Variants in TAS2R1 observed in about 807,000 individuals in gnomAD.
TAS2R1 encodes the protein taste 2 receptor member 1.
For missense variants in TAS2R1, 370 were observed against 353.4 expected (o/e 1.05, Z -0.38); for synonymous variants, 141 against 134.2 (o/e 1.05, Z -0.35).
At chr5:9,867,443 G>A in the TAS2R1 span, among the ~76,000 whole-genome samples, 2 of 152,196 alleles carry the variant, frequency 1.3e-5, no homozygotes, top group African/African-American at 2.4e-5. Context: ...GCAGGAAAGA[G>A]TGTATGCAAG....
At chr5:9,790,016 A>G in the TAS2R1 span, among the ~76,000 whole-genome samples, 2 of 152,030 alleles carry the variant, frequency 1.3e-5, no homozygotes, top group African/African-American at 4.8e-5. Flanking sequence ...AACATATATC[A>G]CTCTGCTCAT....
the TAS2R1 span, among the ~76,000 whole-genome samples, chr5:9,877,831 C>A: frequency 6.6e-6 from 1 of 152,180 alleles, no homozygotes; most frequent in East Asian, 1.9e-4. Context: ...TTTCTTCTTC[C>A]TCTTCTTTTT....
chr5:9,816,486 A>G, the TAS2R1 span, among the ~76,000 whole-genome samples: 2 of 152,152 alleles, frequency 1.3e-5, no homozygotes, highest in Non-Finnish European at 2.9e-5. Context: ...CCCCTGTAAT[A>G]AAGAGTCATT....
chr5:9,860,921 T>C, the TAS2R1 span, among the ~76,000 whole-genome samples: 291 of 150,822 alleles, frequency 1.9e-3, 1 homozygote, highest in African/African-American at 6.8e-3. Flanking sequence ...CAGCAGCCCC[T>C]CAAGAAATAT....
At chr5:9,702,921 A>G (rs1281852644) in intron 1 of TAS2R1, among the ~76,000 whole-genome samples, 1 of 152,132 alleles carries the variant, frequency 6.6e-6, no homozygotes, top group Non-Finnish European at 1.5e-5. Context: ...AAAGGAGGGG[A>G]AGGCAATCAG....
the TAS2R1 span, among the ~76,000 whole-genome samples, chr5:9,781,814 T>C: frequency 6.6e-6 from 1 of 152,188 alleles, no homozygotes; most frequent in Non-Finnish European, 1.5e-5. Flanking sequence ...GCATGTGCCA[T>C]TTGAACCTGC....
At chr5:9,817,158 A>ATCCGATTT in the TAS2R1 span, among the ~76,000 whole-genome samples, 1 of 152,188 alleles carries the variant, frequency 6.6e-6, no homozygotes, top group South Asian at 2.1e-4. Flanking sequence ...GTCACAAGCC[A>ATCCGATTT]AAGGAACATG....
intron 2 of TAS2R1, among the ~76,000 whole-genome samples, chr5:9,635,528 A>G (rs563102027): frequency 1.6e-4 from 24 of 151,370 alleles, no homozygotes; most frequent in African/African-American, 4.6e-4. Flanking sequence ...ATTGGTACCA[A>G]TTCTTCTTTG....
the TAS2R1 span, among the ~76,000 whole-genome samples, chr5:9,797,005 G>A: frequency 5.9e-5 from 9 of 152,148 alleles, no homozygotes; most frequent in East Asian, 1.5e-3. Context: ...TATAGGCAAC[G>A]TGTCTTGGAG....
At chr5:9,900,922 G>C in the TAS2R1 span, among the ~76,000 whole-genome samples, 1 of 152,174 alleles carries the variant, frequency 6.6e-6, no homozygotes, top group East Asian at 1.9e-4. Flanking sequence ...GAATAATGCT[G>C]GTTGCATTCA....
At chr5:9,688,831 G>C (rs554114393) in intron 1 of TAS2R1, among the ~76,000 whole-genome samples, 1 of 152,046 alleles carries the variant, frequency 6.6e-6, no homozygotes, top group Non-Finnish European at 1.5e-5. Context: ...TTGTAAAAGC[G>C]ACTGTCTGCA....
the TAS2R1 span, among the ~76,000 whole-genome samples, chr5:9,767,879 G>A: frequency 3.5e-5 from 5 of 142,992 alleles, no homozygotes; most frequent in African/African-American, 1.3e-4. Context: ...AGCTGAGATC[G>A]TGCCACAGTA....
chr5:9,678,505 A>C (rs141250837), intron 1 of TAS2R1, among the ~76,000 whole-genome samples: 138 of 152,310 alleles, frequency 9.1e-4, no homozygotes, highest in African/African-American at 3.1e-3. Flanking sequence ...AGCACTATTC[A>C]CAGTAGCAAA....
At chr5:9,789,599 C>G in the TAS2R1 span, among the ~76,000 whole-genome samples, 3 of 152,220 alleles carry the variant, frequency 2.0e-5, no homozygotes, top group Non-Finnish European at 4.4e-5. Flanking sequence ...AGCAGGATCC[C>G]TCCATGACAG....
chr5:9,836,924 G>A, the TAS2R1 span, among the ~76,000 whole-genome samples: 1 of 152,210 alleles, frequency 6.6e-6, no homozygotes, highest in African/African-American at 2.4e-5. Flanking sequence ...ATGTAACACT[G>A]AGTTGGTCTT....
chr5:9,870,612 A>C, the TAS2R1 span, among the ~76,000 whole-genome samples: 1 of 152,188 alleles, frequency 6.6e-6, no homozygotes, highest in African/African-American at 2.4e-5. Context: ...CTCTTCAAAG[A>C]CTTATAGGCA....
At chr5:9,784,362 T>G in the TAS2R1 span, among the ~76,000 whole-genome samples, 1 of 152,160 alleles carries the variant, frequency 6.6e-6, no homozygotes, top group African/African-American at 2.4e-5. Flanking sequence ...TGGGTCTCCC[T>G]GAGGTCCATA....
In TAS2R1 at chr5:9,691,291, G is replaced by T. The variant is rs550135290; in HGVS notation, c.-242+20881C>A. On this transcript the variant is annotated intron_variant, in intron 1 of 2. Transcript: ENST00000506620. ...AGCCTTGGGCCAAGGAATGCCTGGA[G>T]CCCCCAGAAGCCGGAAGAGGCAAGG... 2.0e-5 allele frequency among the ~76,000 whole-genome samples: 3 copies of T among 152,330 alleles called. No individual in the cohort carries two copies. In the South Asian group the frequency reaches 6.2e-4, roughly 32 times the overall value.
At chr5:9,724,347 T>TC in the TAS2R1 span, among the ~76,000 whole-genome samples, 57 of 127,512 alleles carry the variant, frequency 4.5e-4, no homozygotes, top group African/African-American at 2.5e-3. Context: ...TTTCTTTCTT[T>TC]TTTTTTTTTT....
Sources: gnomAD v4.1 joint callset for allele counts (sites outside exome capture counted in the v4.1 genomes callset) on GRCh38, gnomAD v4.1.1 for gene constraint, MANE v1.5 for transcripts, NCBI Gene and HGNC (gene_info 2026-07-23, HGNC 2026-07-21) for gene names.